The following PSMD1 variants were observed in gnomAD, a reference collection of about 807,000 sequenced individuals.
The protein encoded by PSMD1 is proteasome 26S subunit, non-ATPase 1, also known as 26S proteasome non-ATPase regulatory subunit 1.
In PSMD1, 18 loss-of-function variants were observed where a neutral mutation model predicts 119.0. The observed-to-expected ratio is 0.15, with a 90% CI of 0.10 to 0.22. The LOEUF (loss-of-function observed/expected upper bound fraction) is 0.22, where lower values mean the gene tolerates loss of function less well. Ranked by LOEUF, PSMD1 falls within the 10% of genes least tolerant of loss-of-function variation. PSMD1 has a pLI of 1.00. For synonymous variants in PSMD1, 374 were observed against 396.6 expected, an observed-to-expected ratio of 0.94 and a Z score of 0.68; for missense variants, 702 against 1,158.5, an observed-to-expected ratio of 0.61 and a Z score of 5.72.
intron 16 of PSMD1, among the ~76,000 whole-genome samples, chr2:231,113,249 G>C (rs1695219080): frequency 6.6e-6 from 1 of 152,106 alleles, no homozygotes; most frequent in African/African-American, 2.4e-5. Flanking sequence ...AGAAATGTTG[G>C]CTTCCAAGAT....
intron 16 of PSMD1, among the ~76,000 whole-genome samples, chr2:231,121,535 A>G (rs1695544427): frequency 6.6e-6 from 1 of 152,156 alleles, no homozygotes; most frequent in African/African-American, 2.4e-5. Flanking sequence ...TATGTTGGGT[A>G]CCAGCATTTT....
intron 16 of PSMD1, among the ~76,000 whole-genome samples, chr2:231,098,851 T>C (rs1694794827): frequency 6.6e-6 from 1 of 152,176 alleles, no homozygotes; most frequent in Non-Finnish European, 1.5e-5. Flanking sequence ...AGGGGAGCAT[T>C]TACAAAGCCA....
At chr2:231,155,257 C>T (rs1003069865) in intron 19 of PSMD1, among the ~76,000 whole-genome samples, 1 of 151,932 alleles carries the variant, frequency 6.6e-6, no homozygotes, top group African/African-American at 2.4e-5. Context: ...ATTTATTAGC[C>T]ATTGAATTCT....
At position 231,123,331 on chromosome 2, in the gene PSMD1, G is replaced by A. The variant is rs945933709; in HGVS notation, c.1884-15405G>A. On this transcript the variant is annotated intron_variant, in intron 16 of 24. Transcript: ENST00000308696. ...AAGTTCATCTTTTATTTCAAGAAAA[G>A]TAAAGATTAAATGAGTGTCCATTCT... 1.5e-5 allele frequency: 15 copies of A among 1,016,926 alleles called. No individual in the cohort carries two copies. In the Admixed American group the frequency reaches 2.6e-4, roughly 18 times the overall value. 63.0% of individuals were successfully genotyped at this position (1,016,926 alleles called of 1,614,324 possible). A position where few individuals can be genotyped will look rare whatever the true frequency, so the allele number is the denominator to read the frequency against.
At chr2:231,089,499 T>C (rs925482529) in intron 16 of PSMD1, among the ~76,000 whole-genome samples, 1 of 152,146 alleles carries the variant, frequency 6.6e-6, no homozygotes, top group African/African-American at 2.4e-5. Context: ...TTAAGAATTA[T>C]GCTAAAGCTG....
chr2:231,076,139 A>C (rs1574710408), intron 8 of PSMD1, among the ~76,000 whole-genome samples: 1 of 152,232 alleles, frequency 6.6e-6, no homozygotes, highest in Non-Finnish European at 1.5e-5. Context: ...TTCTGTCTGA[A>C]ATAACTTCAA....
rs1201576664 is a variant in PSMD1, at chr2:231,056,958, C to T, written c.-68C>T. Reference sequence around the variant, plus strand: ...GGAGGCGCGGTGAACTGAGCGGCCCCTGAGCTGACAGATACACTGCGCAGC... The same window carrying T: ...GGAGGCGCGGTGAACTGAGCGGCCCTTGAGCTGACAGATACACTGCGCAGC... On this transcript the variant is annotated 5_prime_UTR_variant, in exon 1 of 25. Transcript: ENST00000308696. 9 of 1,537,404 alleles carry T rather than the reference C, an allele frequency of 5.9e-6. No individual in the cohort carries two copies. In the South Asian group the frequency reaches 8.3e-5, roughly 14 times the overall value.
intron 16 of PSMD1, chr2:231,108,347 A>G (rs1574733857): frequency 1.7e-6 from 1 of 593,082 alleles, no homozygotes; most frequent in East Asian, 2.8e-5. Context: ...TTCCTCATGG[A>G]ATAATCTTGT....
chr2:231,076,712 A>G (rs539119350), intron 8 of PSMD1, among the ~76,000 whole-genome samples: 3 of 152,240 alleles, frequency 2.0e-5, no homozygotes, highest in Admixed American at 6.5e-5. Context: ...TCTCAGTTTC[A>G]AGTAGGAAGT....
intron 16 of PSMD1, among the ~76,000 whole-genome samples, chr2:231,137,146 C>T (rs977887765): frequency 6.7e-6 from 1 of 148,694 alleles, no homozygotes; most frequent in African/African-American, 2.5e-5. Context: ...GAGATGGAGT[C>T]TCGCTGTCTC....
At chr2:231,165,843 T>C (rs760402445) in intron 22 of PSMD1, 28 bp from the exon 23 acceptor site, 7 of 1,529,172 alleles carry the variant, frequency 4.6e-6, no homozygotes, top group Non-Finnish European at 6.2e-6. Context: ...GAACTTCTGT[T>C]GAACTTTTTT....
chr2:231,061,405 C>A, intron 2 of PSMD1, 95 bp downstream of exon 2: 1 of 1,070,390 alleles, frequency 9.3e-7, no homozygotes, highest in Non-Finnish European at 1.4e-6. Flanking sequence ...TTTAAAGTTG[C>A]TGTCCTAGCT....
At chr2:231,139,141 A>G (rs1696041749) in intron 17 of PSMD1, 1 of 405,194 alleles carries the variant, frequency 2.5e-6, no homozygotes, top group Non-Finnish European at 4.7e-6. Flanking sequence ...TTGTTTGTTT[A>G]TTTGTTTTGA....
intron 16 of PSMD1, among the ~76,000 whole-genome samples, chr2:231,111,682 A>G (rs1455225852): frequency 2.6e-5 from 4 of 152,222 alleles, no homozygotes; most frequent in South Asian, 2.1e-4. Context: ...ACAAAGTGCA[A>G]TGAAGTGAAA....
intron 17 of PSMD1, 53 bp from the exon 18 acceptor site, chr2:231,146,186 GT>G: frequency 8.1e-7 from 1 of 1,234,096 alleles, no homozygotes; most frequent in Non-Finnish European, 1.2e-6. Flanking sequence ...TAAATTGAAA[GT>G]TCAGCCATAT....
rs1229286711 is a variant in PSMD1, at chr2:231,133,530, A to C, written c.1884-5206A>C. 11 of 152,346 alleles carry C rather than the reference A, an allele frequency of 7.2e-5. No homozygotes were observed. In the East Asian group the frequency reaches 2.1e-3, roughly 29 times the overall value. 9.4% of individuals were successfully genotyped at this position (152,346 alleles called of 1,614,324 possible). Reference sequence around the variant, plus strand: ...TCCCAGGGCACAGTTTGTCCATTGCACTTTGGATGAGCTGACCCCTTGATG... The same window carrying C: ...TCCCAGGGCACAGTTTGTCCATTGCCCTTTGGATGAGCTGACCCCTTGATG... On this transcript the variant is annotated intron_variant, in intron 16 of 24. Transcript: ENST00000308696.
At chr2:231,113,799 G>C in intron 16 of PSMD1, 6 of 1,614,120 alleles carry the variant, frequency 3.7e-6, no homozygotes, top group Non-Finnish European at 5.1e-6. Context: ...GATTGGCCTG[G>C]ATTGGCTTTT....
At chr2:231,168,395 C>G (rs894868571) in intron 23 of PSMD1, among the ~76,000 whole-genome samples, 3 of 152,036 alleles carry the variant, frequency 2.0e-5, no homozygotes, top group African/African-American at 7.3e-5. Context: ...AGCCATAAAA[C>G]GGAAACAACT....
intron 16 of PSMD1, chr2:231,108,976 C>T: frequency 6.2e-7 from 1 of 1,614,138 alleles, no homozygotes. Context: ...AGAGGAAAAA[C>T]ACAATCCCTA....
Sources: allele counts gnomAD v4.1 joint callset (sites outside exome capture counted in the v4.1 genomes callset), GRCh38; gene constraint gnomAD v4.1.1; transcripts MANE v1.5; gene names NCBI Gene and HGNC (gene_info 2026-07-23, HGNC 2026-07-21).